MGRN1: variants seen among roughly 807,000 people sequenced by gnomAD.
The protein encoded by MGRN1 is mahogunin ring finger 1, also known as E3 ubiquitin-protein ligase MGRN1.
In MGRN1, 29 loss-of-function variants were observed where a neutral mutation model predicts 69.2. That is an observed-to-expected ratio of 0.42 (90% CI 0.31 to 0.57). MGRN1 has a LOEUF of 0.57. MGRN1 is among the 20% of genes least tolerant of loss of function. The pLI, the probability that MGRN1 is intolerant of heterozygous loss-of-function variation, is 0.15. For synonymous variants in MGRN1, 470 were observed against 344.2 expected (o/e 1.37, Z -4.04); for missense variants, 998 against 796.2 (o/e 1.25, Z -3.05).
chr16:4,660,620 G>A (rs1012675389), intron 5 of MGRN1, among the ~76,000 whole-genome samples: 8 of 152,232 alleles, frequency 5.3e-5, no homozygotes, highest in African/African-American at 1.7e-4. Context: ...GGGGGTGGAT[G>A]CGCTCCAGAA....
intron 1 of MGRN1, among the ~76,000 whole-genome samples, chr16:4,635,515 G>C (rs1378567987): frequency 2.6e-5 from 4 of 151,942 alleles, no homozygotes; most frequent in Non-Finnish European, 4.4e-5. Context: ...TGTCGCCCAG[G>C]CTGGAGTGTA....
chr16:4,674,968 C>G (rs932476990), intron 10 of MGRN1, among the ~76,000 whole-genome samples: 1 of 151,526 alleles, frequency 6.6e-6, no homozygotes, highest in African/African-American at 2.4e-5. Flanking sequence ...TAATTACTTA[C>G]TTTTATTTAT....
intron 4 of MGRN1, among the ~76,000 whole-genome samples, chr16:4,656,301 C>T (rs1007161865): frequency 1.3e-5 from 2 of 152,208 alleles, no homozygotes; most frequent in African/African-American, 4.8e-5. Context: ...TGGTGTCCCC[C>T]AGGGGCCCTG....
chr16:4,665,797 T>TA (rs1438705725), intron 7 of MGRN1, among the ~76,000 whole-genome samples: 1 of 151,210 alleles, frequency 6.6e-6, no homozygotes, highest in Non-Finnish European at 1.5e-5. Flanking sequence ...AGCCTCCAAG[T>TA]ACCTGGGATT....
chr16:4,678,943 G>GT (rs1420937273), intron 11 of MGRN1, among the ~76,000 whole-genome samples: 2 of 152,238 alleles, frequency 1.3e-5, no homozygotes, highest in East Asian at 3.8e-4. Flanking sequence ...TGGGGTCAAT[G>GT]TTTAAAAGTC....
intron 1 of MGRN1, among the ~76,000 whole-genome samples, chr16:4,630,989 T>C (rs1897972058): frequency 6.6e-6 from 1 of 151,898 alleles, no homozygotes; most frequent in Non-Finnish European, 1.5e-5. Context: ...CAGCAAAGTT[T>C]TTGTATTTTT....
At chr16:4,628,079 CAAA>C (rs747646208) in intron 1 of MGRN1, among the ~76,000 whole-genome samples, 5 of 57,994 alleles carry the variant, frequency 8.6e-5, no homozygotes, top group Non-Finnish European at 6.9e-5. Context: ...GACTCCGTCT[CAAA>C]AAAAAAAAAA....
chr16:4,687,758 C>CCGG (rs1346837721), intron 16 of MGRN1: 3 of 985,362 alleles, frequency 3.0e-6, no homozygotes, highest in Non-Finnish European at 3.6e-6. Flanking sequence ...AGGTGCCTGG[C>CCGG]CGGGGGTGCA....
Position 4,677,557 on chromosome 16 carries a change from G to A in MGRN1, c.1050G>A (p.Glu350=), listed in dbSNP as rs2079080618. 2 of 1,599,968 alleles carry A rather than the reference G, an allele frequency of 1.3e-6. No individual in the cohort carries two copies. Among genetic ancestry groups the A allele is most frequent in the East Asian group, 4.5e-5 (2 of 44,826 alleles). ...SFSPVLAQSL[E]HDEHSCPFKK... is the part of the protein sequence containing the mutation. Reference sequence around the variant, plus strand: ...GCCCCGTCCTGGCCCAGAGCCTGGAGCATGATGAGCACTCTGTAAGTGCCG... The same window carrying A: ...GCCCCGTCCTGGCCCAGAGCCTGGAACATGATGAGCACTCTGTAAGTGCCG... The change falls in exon 11 of 17, where the codon GAG becomes GAA. Residue 350 remains glutamate, a synonymous_variant. Transcript: ENST00000262370.
intron 16 of MGRN1, chr16:4,686,508 G>C: frequency 7.2e-7 from 1 of 1,380,300 alleles, no homozygotes; most frequent in Non-Finnish European, 9.3e-7. Context: ...GGGGGGTCCT[G>C]ACTTTCGGGG....
intron 1 of MGRN1, chr16:4,639,685 C>A (rs144877686): frequency 0.015 from 2,233 of 152,334 alleles, 38 homozygotes; most frequent in South Asian, 0.03. Flanking sequence ...GGAGGAAAGG[C>A]CTTTCTGACA....
At chr16:4,657,773 T>C (rs1201140664) in intron 5 of MGRN1, among the ~76,000 whole-genome samples, 3 of 129,244 alleles carry the variant, frequency 2.3e-5, no homozygotes, top group Non-Finnish European at 4.7e-5. Flanking sequence ...TTTGAGACAG[T>C]CTCGCTCTGT....
intron 1 of MGRN1, among the ~76,000 whole-genome samples, chr16:4,645,579 G>A (rs1292394452): frequency 6.6e-6 from 1 of 152,210 alleles, no homozygotes; most frequent in Non-Finnish European, 1.5e-5. Flanking sequence ...GGAAAGGGGA[G>A]TGGAAAGATT....
chr16:4,688,777 C>T lies in MGRN1; in HGVS notation c.1619-19C>T, dbSNP rs375255415. The T allele has an allele frequency of 5.9e-5, 90 of 1,532,496 alleles. No individual in the cohort carries two copies. The African/African-American group carries it at 1.0e-3, about 17-fold the overall frequency. The allele number at this position is 1,532,496 out of a possible 1,614,324, so 94.9% of individuals were successfully genotyped here. A position where few individuals can be genotyped will look rare whatever the true frequency, so the allele number is the denominator to read the frequency against. On this transcript the variant is annotated intron_variant, in intron 16 of 16. Transcript: ENST00000262370. ...CAGGCATCCGAGTGTGACCCTCCTC[C>T]CTCTGCTCCCACCTGCAGGACGGCC...
rs781335504 is a variant in MGRN1, at chr16:4,688,785, C to G, written c.1619-11C>G. 1.1e-5 allele frequency: 17 copies of G among 1,537,278 alleles called. No individual in the cohort carries two copies. The highest frequency in any genetic ancestry group is 5.9e-5 in the Admixed American group (3 of 50,648). ...CGAGTGTGACCCTCCTCCCTCTGCT[C>G]CCACCTGCAGGACGGCCCACCTCCA... On this transcript the variant is annotated splice_polypyrimidine_tract_variant and intron_variant, in intron 16 of 16. Coordinates refer to ENST00000262370, the MANE Select transcript of MGRN1 (RefSeq NM_015246.4).
chr16:4,647,796 G>A (rs1243772297), intron 1 of MGRN1, among the ~76,000 whole-genome samples: 4 of 152,100 alleles, frequency 2.6e-5, no homozygotes, highest in Admixed American at 1.3e-4. Context: ...GTTTTTGGTC[G>A]TCATCAGCTC....
intron 10 of MGRN1, among the ~76,000 whole-genome samples, chr16:4,674,635 T>C (rs1271885062): frequency 9.0e-6 from 1 of 110,910 alleles, no homozygotes; most frequent in African/African-American, 3.3e-5. Context: ...TCTTTTTTTT[T>C]TTTTTTTTTT....
rs1426078988 is a variant in MGRN1 at position 4,657,254 on chromosome 16, C to T, written c.452C>T (p.Pro151Leu). 1 of 1,613,946 alleles carries T rather than the reference C, an allele frequency of 6.2e-7. No homozygotes were observed. ...CTCCTGGCTCCCTGCAGATACAGCC[C>T]CAAGAGCCCCTCGCTACAGTCCGAG... ...EFLNGRAVYS[P>L]KSPSLQSETV... is the part of the protein sequence containing the mutation. Residue 151 changes from proline to leucine, a missense_variant, in exon 5 of 17, where the codon CCC (proline) becomes CTC (leucine). Coordinates refer to ENST00000262370, the MANE Select transcript of MGRN1 (RefSeq NM_015246.4).
chr16:4,650,337 C>A (rs941480167), intron 1 of MGRN1, 28 bp from the exon 2 acceptor site: 13 of 1,389,546 alleles, frequency 9.4e-6, no homozygotes, highest in Non-Finnish European at 1.2e-5. Context: ...AAAAAAAAAT[C>A]TATAATCGTG....
Sources: allele counts gnomAD v4.1 joint callset (sites outside exome capture counted in the v4.1 genomes callset), GRCh38; gene constraint gnomAD v4.1.1; transcripts MANE v1.5; gene names NCBI Gene and HGNC (gene_info 2026-07-23, HGNC 2026-07-21).